The following FAF1 variants were observed in gnomAD, a reference collection of about 807,000 sequenced individuals.
FAF1 encodes the protein FAS-associated factor 1.
A neutral mutation model predicts 92.5 loss-of-function variants in FAF1; 25 were observed. That is an observed-to-expected ratio of 0.27 (90% CI 0.20 to 0.38). FAF1 has a LOEUF of 0.38. FAF1 is among the 10% of genes least tolerant of loss of function. FAF1 has a pLI of 1.00. For missense variants in FAF1, 636 were observed against 793.3 expected (o/e 0.80, Z 2.38); for synonymous variants, 234 against 273.2 (o/e 0.86, Z 1.42).
chr1:50,572,038 T>A (rs878942613), intron 12 of FAF1, among the ~76,000 whole-genome samples: 10 of 152,244 alleles, frequency 6.6e-5, no homozygotes, highest in Admixed American at 6.5e-4. Context: ...TTGTGTAAAT[T>A]GGACCTGACT....
chr1:50,609,432 T>C (rs1652591975), intron 8 of FAF1, among the ~76,000 whole-genome samples: 2 of 152,206 alleles, frequency 1.3e-5, no homozygotes, highest in African/African-American at 4.8e-5. Flanking sequence ...TCACCCAGGC[T>C]GGAGTGCAGT....
intron 15 of FAF1, among the ~76,000 whole-genome samples, chr1:50,523,894 T>C (rs1647643159): frequency 6.6e-6 from 1 of 152,264 alleles, no homozygotes; most frequent in Non-Finnish European, 1.5e-5. Context: ...TTATATTCCT[T>C]TGGGTAAATA....
In FAF1 at chr1:50,934,186, C is replaced by T. The variant is rs1049608641; in HGVS notation, c.45+25581G>A. ...AGTTTACCTTGAGTTAATATTACCG[C>T]ACCCCATATAATGTAAGAACCTTAC... On this transcript the variant is annotated intron_variant, in intron 1 of 18. Transcript: ENST00000396153. Among the ~76,000 whole-genome samples the T allele has an allele frequency of 2.6e-5, 4 of 152,190 alleles. No homozygotes were observed. In the East Asian group the frequency reaches 7.7e-4, roughly 29 times the overall value.
chr1:50,564,965 T>A (rs75399333), intron 13 of FAF1, among the ~76,000 whole-genome samples: 1 of 152,050 alleles, frequency 6.6e-6, no homozygotes, highest in Non-Finnish European at 1.5e-5. Flanking sequence ...GTTTTTTTTT[T>A]ATTACTTGCT....
At chr1:50,511,292 A>C (rs1647130603) in intron 15 of FAF1, among the ~76,000 whole-genome samples, 1 of 151,254 alleles carries the variant, frequency 6.6e-6, no homozygotes, top group African/African-American at 2.4e-5. Flanking sequence ...TCTGTGTAGA[A>C]CGTGCAGGTT....
rs532842259 is a variant in FAF1, at chr1:50,438,654, A to G, written c.*2786T>C. ...CTCCCACATTCAAATGAAAAAGTCT[A>G]TACTTTGGGGGAAATTTGCCAGAGC... On this transcript the variant is annotated 3_prime_UTR_variant, in exon 19 of 19. Transcript: ENST00000396153. The G allele has an allele frequency of 5.9e-5, 9 of 152,184 alleles. No homozygotes were observed. The highest frequency in any genetic ancestry group is 5.9e-4 in the Admixed American group (9 of 15,288). 9.4% of individuals were successfully genotyped at this position (152,184 alleles called of 1,614,324 possible).
At chr1:50,929,192 C>T (rs1401580950) in intron 1 of FAF1, among the ~76,000 whole-genome samples, 1 of 150,140 alleles carries the variant, frequency 6.7e-6, no homozygotes. Context: ...TTTAATAATA[C>T]TCTCAAAGTA....
intron 8 of FAF1, among the ~76,000 whole-genome samples, chr1:50,625,481 C>A (rs1653456186): frequency 6.6e-6 from 1 of 152,168 alleles, no homozygotes; most frequent in Non-Finnish European, 1.5e-5. Context: ...GTCCCACAAT[C>A]AATGCTTTGG....
At chr1:50,713,618 T>C (rs1435188201) in intron 6 of FAF1, among the ~76,000 whole-genome samples, 2 of 151,862 alleles carry the variant, frequency 1.3e-5, no homozygotes, top group Non-Finnish European at 2.9e-5. Context: ...AAAAAAGATA[T>C]AAGCAAACGT....
chr1:50,844,340 T>C (rs1317224332), intron 2 of FAF1, among the ~76,000 whole-genome samples: 1 of 152,176 alleles, frequency 6.6e-6, no homozygotes, highest in Non-Finnish European at 1.5e-5. Context: ...TCACAACTGA[T>C]TTTTAAGATG....
chr1:50,827,863 C>A (rs1403440836), intron 2 of FAF1, among the ~76,000 whole-genome samples: 3 of 152,046 alleles, frequency 2.0e-5, no homozygotes, highest in Non-Finnish European at 4.4e-5. Context: ...AAGACAAGTT[C>A]AATAAATGGA....
intron 1 of FAF1, among the ~76,000 whole-genome samples, chr1:50,868,334 A>T (rs183407665): frequency 1.6e-4 from 25 of 152,336 alleles, no homozygotes; most frequent in East Asian, 5.8e-4. Context: ...GAAATTTTTT[A>T]AAAAAGATAA....
chr1:50,744,693 C>T lies in FAF1; in HGVS notation c.450G>A (p.Val150=). 1.2e-6 allele frequency: 2 copies of T among 1,600,488 alleles called. No homozygotes were observed. The highest frequency in any genetic ancestry group is 2.2e-5 in the East Asian group (1 of 44,716). The stretch of plus-strand genomic sequence containing the variant: ...CAATTAAGAAACTCACACTGTCTTC[C>T]ACATCTCCCGTCTTCCAGCCTTTTA... The part of the protein sequence containing the change: ...MLLKGWKTGD[V]EDSTVLKSLH... Residue 150 remains valine (V), a synonymous_variant, in exon 5 of 19, where the codon GTG becomes GTA. Coordinates refer to ENST00000396153, the MANE Select transcript of FAF1 (RefSeq NM_007051.3).
intron 1 of FAF1, among the ~76,000 whole-genome samples, chr1:50,917,147 T>TGAATG (rs1224528485): frequency 2.0e-5 from 3 of 152,206 alleles, no homozygotes; most frequent in African/African-American, 7.2e-5. Flanking sequence ...AAAAGTATTC[T>TGAATG]CATCAATGCA....
At chr1:50,812,355 A>G (rs1208337670) in intron 2 of FAF1, among the ~76,000 whole-genome samples, 1 of 152,222 alleles carries the variant, frequency 6.6e-6, no homozygotes, top group Non-Finnish European at 1.5e-5. Context: ...AGAATCTATA[A>G]GAAACTTAAA....
At chr1:50,867,301 A>G (rs1436831446) in intron 1 of FAF1, among the ~76,000 whole-genome samples, 5 of 152,224 alleles carry the variant, frequency 3.3e-5, no homozygotes, top group African/African-American at 1.2e-4. Flanking sequence ...CAAGAACACA[A>G]AAGCAAATGG....
intron 2 of FAF1, among the ~76,000 whole-genome samples, chr1:50,834,127 G>A (rs1056613509): frequency 2.0e-5 from 3 of 152,198 alleles, no homozygotes; most frequent in Non-Finnish European, 2.9e-5. Context: ...TTAAAAGGGT[G>A]TAGCACCCCC....
chr1:50,463,243 G>C (rs1340336983), intron 18 of FAF1, among the ~76,000 whole-genome samples: 1 of 152,140 alleles, frequency 6.6e-6, no homozygotes, highest in Admixed American at 6.5e-5. Context: ...ATCACTGCTG[G>C]AGGTAATTAA....
At chr1:50,468,252 C>T (rs573216058) in intron 18 of FAF1, among the ~76,000 whole-genome samples, 4 of 151,962 alleles carry the variant, frequency 2.6e-5, no homozygotes, top group South Asian at 2.1e-4. Flanking sequence ...ACATTGTACC[C>T]CATAACAATA....
Sources: allele counts gnomAD v4.1 joint callset (sites outside exome capture counted in the v4.1 genomes callset), GRCh38; gene constraint gnomAD v4.1.1; transcripts MANE v1.5; gene names NCBI Gene and HGNC (gene_info 2026-07-23, HGNC 2026-07-21).